Variants in CACNA1C observed in about 807,000 individuals in gnomAD.
The protein encoded by CACNA1C is calcium voltage-gated channel subunit alpha1 C.
In CACNA1C, 30 loss-of-function variants were observed where a neutral mutation model predicts 229.0. That is an observed-to-expected ratio of 0.13 (90% CI 0.10 to 0.18). CACNA1C has a LOEUF of 0.18. CACNA1C is among the 10% of genes least tolerant of loss of function. The pLI is 1.00. For missense variants in CACNA1C, 1,658 were observed against 2,845.0 expected (o/e 0.58, Z 9.49); for synonymous variants, 1,114 against 1,132.5 (o/e 0.98, Z 0.33).
intron 5 of CACNA1C, among the ~76,000 whole-genome samples, chr12:2,463,607 G>A (rs1440775396): frequency 6.6e-6 from 1 of 152,204 alleles, no homozygotes; most frequent in Non-Finnish European, 1.5e-5. Context: ...CTTGGAGAAG[G>A]TAGCATTTGG....
At chr12:2,589,010 G>A (rs1348884859) in intron 18 of CACNA1C, among the ~76,000 whole-genome samples, 1 of 152,164 alleles carries the variant, frequency 6.6e-6, no homozygotes, top group Non-Finnish European at 1.5e-5. Context: ...GGGTGGTCTT[G>A]ACTGAGCTTT....
intron 9 of CACNA1C, among the ~76,000 whole-genome samples, chr12:2,527,625 A>G (rs1032561827): frequency 6.6e-5 from 10 of 152,086 alleles, no homozygotes; most frequent in Non-Finnish European, 1.3e-4. Context: ...GAAATTAAGG[A>G]CTCCTTTCTT....
At position 2,586,000 on chromosome 12, in the gene CACNA1C, G is replaced by C; in HGVS notation, c.2530+96G>C. On this transcript the variant is annotated intron_variant, in intron 18 of 46. Transcript: ENST00000399655. The surrounding 1 kb of genome is among the most constrained non-coding windows in gnomAD (Gnocchi z 4.1). ...GAGTGGCCATATATTAGGGACCATG[G>C]TTCCAGTGTCCCTCTGTAAGTACCT... 1 of 659,338 alleles carries C rather than the reference G, an allele frequency of 1.5e-6. No homozygotes were observed. The highest frequency in any genetic ancestry group is 2.6e-6 in the Non-Finnish European group (1 of 388,240). The allele number at this position is 659,338 out of a possible 1,614,324, so 40.8% of individuals were successfully genotyped here. A position where few individuals can be genotyped will look rare whatever the true frequency, so the allele number is the denominator to read the frequency against.
At chr12:2,008,994 A>C (rs962661759) in intron 1 of CACNA1C, among the ~76,000 whole-genome samples, 17 of 152,220 alleles carry the variant, frequency 1.1e-4, no homozygotes, top group Admixed American at 1.0e-3. Context: ...TGCAGGCTCG[A>C]TATTAGTAAA....
At chr12:2,309,908 T>C (rs1375821296) in intron 3 of CACNA1C, among the ~76,000 whole-genome samples, 1 of 152,166 alleles carries the variant, frequency 6.6e-6, no homozygotes, top group Non-Finnish European at 1.5e-5. Flanking sequence ...GGGAACTGCA[T>C]GAGTTTCCGA....
chr12:2,535,548 A>C (rs893889039), intron 9 of CACNA1C, among the ~76,000 whole-genome samples: 11 of 147,902 alleles, frequency 7.4e-5, no homozygotes, highest in East Asian at 2.0e-4. Context: ...AAAAAAAAAA[A>C]CAAAATAATT....
chr12:2,017,818 T>C lies in CACNA1C; in HGVS notation c.139+46617T>C, dbSNP rs1316606063. Among the ~76,000 whole-genome samples, 4 of 152,102 alleles carry C rather than the reference T, an allele frequency of 2.6e-5. No homozygotes were observed. In the East Asian group the frequency reaches 5.8e-4, roughly 22 times the overall value. ...TCGGTGTGTCCTCATGCCAGACTCA[T>C]TGTAATTAGGAAGGAGACAGAAGAG... On this transcript the variant is annotated intron_variant, in intron 1 of 46. Coordinates refer to the CACNA1C transcript ENST00000682462.
intron 3 of CACNA1C, among the ~76,000 whole-genome samples, chr12:2,171,198 A>G (rs1322245871): frequency 6.6e-6 from 1 of 152,216 alleles, no homozygotes; most frequent in Non-Finnish European, 1.5e-5. Context: ...AGGGCGATAC[A>G]GTCTGTAGCT....
chr12:2,023,237 T>C (rs551326939), intron 1 of CACNA1C, among the ~76,000 whole-genome samples: 10 of 152,310 alleles, frequency 6.6e-5, no homozygotes, highest in Admixed American at 1.3e-4. Context: ...TTAGAACCCA[T>C]TCTCTATTCT....
Position 2,639,245 on chromosome 12 carries a change from G to A in CACNA1C, c.3912+4865G>A, listed in dbSNP as rs574202424. On this transcript the variant is annotated intron_variant, in intron 30 of 46. Coordinates refer to ENST00000399655, the MANE Select transcript of CACNA1C (RefSeq NM_000719.7). This position sits in a 1 kb window ranked among gnomAD's most constrained non-coding sequence, Gnocchi z 4.2. ...GGAGGTAAGAGTGCGATGTCCTGCT[G>A]CTCTAGGGAAGCCTCTTGCTCTTCC... Among the ~76,000 whole-genome samples, 14 of 152,302 alleles carry A rather than the reference G, an allele frequency of 9.2e-5. No individual in the cohort carries two copies. Among genetic ancestry groups the A allele is most frequent in the African/African-American group, 3.1e-4 (13 of 41,568 alleles).
At chr12:2,154,995 G>A (rs578037680) in intron 3 of CACNA1C, among the ~76,000 whole-genome samples, 79 of 152,300 alleles carry the variant, frequency 5.2e-4, no homozygotes, top group African/African-American at 1.6e-3. Flanking sequence ...TATAGGTGCC[G>A]TCTATCTCTG....
At chr12:2,258,074 C>T (rs2078671443) in intron 3 of CACNA1C, among the ~76,000 whole-genome samples, 1 of 152,240 alleles carries the variant, frequency 6.6e-6, no homozygotes, top group Non-Finnish European at 1.5e-5. Context: ...CTTTGTACTA[C>T]ATCTCATCAC....
Position 2,106,692 on chromosome 12 carries a change from C to T in CACNA1C, c.50-8532C>T, listed in dbSNP as rs71454872. ...GCTGGGGCGTCCTGAAGCCACTGGG[C>T]GCCCACCCCGGGGAGGGTTTCCACC... On this transcript the variant is annotated intron_variant, in intron 1 of 46. Transcript: ENST00000399655. Among the ~76,000 whole-genome samples the T allele has an allele frequency of 6.9e-3, 341 of 49,156 alleles. 1 individual carries two copies. The highest frequency in any genetic ancestry group is 0.045 in the Middle Eastern group (2 of 44). 32.2% of individuals were successfully genotyped at this position (49,156 alleles called of 152,430 possible).
In CACNA1C at chr12:1,985,798, T is replaced by G. The variant is rs562919030; in HGVS notation, c.139+14597T>G. ...TGCTGCCTGTGGATGATGCTTCCCA[T>G]ATCAGTTCCATTTTCTTTTTTCTTT... On this transcript the variant is annotated intron_variant, in intron 1 of 46. Coordinates refer to the CACNA1C transcript ENST00000682462. Among the ~76,000 whole-genome samples the G allele has an allele frequency of 2.0e-5, 3 of 152,208 alleles. No homozygotes were observed. The South Asian group carries it at 6.2e-4, about 32-fold the overall frequency.
intron 3 of CACNA1C, chr12:2,221,486 G>A (rs763337489): frequency 2.6e-5 from 4 of 152,232 alleles, no homozygotes; most frequent in Non-Finnish European, 5.9e-5. Context: ...GGGCAGTTGG[G>A]CAAGGAGGCC....
At chr12:2,234,174 T>A (rs2066421575) in intron 3 of CACNA1C, among the ~76,000 whole-genome samples, 1 of 152,178 alleles carries the variant, frequency 6.6e-6, no homozygotes, top group African/African-American at 2.4e-5. Context: ...GCTGGAAGTG[T>A]CCCGTGTCTC....
rs1268954656 is a variant in CACNA1C at position 2,054,954 on chromosome 12, C to T, written c.49+1343C>T. The stretch of plus-strand genomic sequence containing the variant: ...CTCCACCTTTTGGGGACAGGGCCTT[C>T]ACTCTTTAGAGCCAGAAGCTGCCAT... On this transcript the variant is annotated intron_variant, in intron 1 of 46. Transcript: ENST00000399655. This position sits in a 1 kb window ranked among gnomAD's most constrained non-coding sequence, Gnocchi z 5.5. 6.6e-6 allele frequency among the ~76,000 whole-genome samples: 1 copy of T among 152,252 alleles called. No homozygotes were observed. Among genetic ancestry groups the T allele is most frequent in the Admixed American group, 6.5e-5 (1 of 15,288 alleles).
At position 2,566,511 on chromosome 12, in the gene CACNA1C, T is replaced by C; in HGVS notation, c.1598T>C (p.Leu533Pro). ...GTCTTCTACTGGCTGGTGATTTTCC[T>C]GGTGTTCCTCAACACGCTCACCATT... Reference protein sequence around the residue: ...SNVFYWLVIFLVFLNTLTIAS... With the variant: ...SNVFYWLVIFPVFLNTLTIAS... The change falls in exon 12 of 47, where the codon CTG becomes CCG. Residue 533 changes from leucine (L) to proline (P), a missense_variant. This residue lies in a region of CACNA1C where 149 missense variants were observed against 194.2 expected (regional missense o/e 0.77). Transcript: ENST00000399655. The surrounding 1 kb of genome is among the most constrained non-coding windows in gnomAD (Gnocchi z 4.0). The C allele has an allele frequency of 6.3e-7, 1 of 1,593,306 alleles. No homozygotes were observed. The highest frequency in any genetic ancestry group is 8.5e-7 in the Non-Finnish European group (1 of 1,170,206).
rs374186913 is a variant in CACNA1C, at chr12:2,368,653, A to G, written c.478-80323A>G. ...ATAAATGAAAGCATGTCGTATTTCT[A>G]TAGGAAAGATTGAATATCTGAAGAT... is the stretch of plus-strand genomic sequence containing the variant. On this transcript the variant is annotated intron_variant, in intron 3 of 46. Transcript: ENST00000399655. Among the ~76,000 whole-genome samples, 6 of 152,250 alleles carry G rather than the reference A, an allele frequency of 3.9e-5. No individual in the cohort carries two copies. The East Asian group carries it at 9.6e-4, about 24-fold the overall frequency.
Sources: gnomAD v4.1 joint callset for allele counts (sites outside exome capture counted in the v4.1 genomes callset) on GRCh38, gnomAD v4.1.1 for gene constraint, gnomAD v4.1.1 regional missense constraint, Gnocchi (gnomAD v3.1) non-coding constraint, MANE v1.5 for transcripts, NCBI Gene and HGNC (gene_info 2026-07-23, HGNC 2026-07-21) for gene names.